Variants in CCDC61 observed in about 807,000 individuals in gnomAD.
The protein encoded by CCDC61 is coiled-coil domain containing 61.
In CCDC61, 55 loss-of-function variants were observed where a neutral mutation model predicts 63.0. That is an observed-to-expected ratio of 0.87 (90% CI 0.70 to 1.09). CCDC61 has a LOEUF of 1.09. CCDC61 is among the 50% of genes least tolerant of loss of function. The probability of loss-of-function intolerance (pLI) is 0.00; values close to 1 mark genes in which losing one functional copy is unlikely to be tolerated. For synonymous variants in CCDC61, 270 were observed against 317.0 expected (o/e 0.85, Z 1.58); for missense variants, 651 against 731.4 (o/e 0.89, Z 1.27).
rs1968921222 is a variant in CCDC61, at chr19:46,015,867, T to G, written c.846-187T>G. Among the ~76,000 whole-genome samples the G allele has an allele frequency of 1.4e-5, 2 of 143,904 alleles. No individual in the cohort carries two copies. The highest frequency in any genetic ancestry group is 2.3e-4 in the South Asian group (1 of 4,440). The allele number at this position is 143,904 out of a possible 152,430, so 94.4% of individuals were successfully genotyped here. A position where few individuals can be genotyped will look rare whatever the true frequency, so the allele number is the denominator to read the frequency against. On this transcript the variant is annotated intron_variant, in intron 7 of 13. Transcript: ENST00000595358. This position sits in a 1 kb window ranked among gnomAD's most constrained non-coding sequence, Gnocchi z 5.3. ...AGGATGTAGGGGAATGACAGAGGGGTGTTTTAGGGGTCCAATTGGGTGAGG... is the reference window on the plus strand; with the variant it reads ...AGGATGTAGGGGAATGACAGAGGGGGGTTTTAGGGGTCCAATTGGGTGAGG...
rs867010607 is a variant in CCDC61, at chr19:46,015,530, T to G, written c.845+103T>G. 0.012 allele frequency: 125 copies of G among 10,126 alleles called. No homozygotes were observed. The highest frequency in any genetic ancestry group is 0.02 in the South Asian group (9 of 454). 0.6% of individuals were successfully genotyped at this position (10,126 alleles called of 1,614,324 possible). On this transcript the variant is annotated intron_variant, in intron 7 of 13. Coordinates refer to ENST00000595358, the MANE Select transcript of CCDC61 (RefSeq NM_001267723.2). The surrounding 1 kb of genome is among the most constrained non-coding windows in gnomAD (Gnocchi z 5.3). ...GGGGGCGGGGCGGGGCCAGGTAGGG[T>G]GGAGGGGGCGGGGCTGAAGGGGAGG... is the stretch of plus-strand genomic sequence containing the variant.
rs543693542 is a variant in CCDC61, at chr19:46,015,536, G to A, written c.845+109G>A. ...GGGGCGGGGCCAGGTAGGGTGGAGG[G>A]GGCGGGGCTGAAGGGGAGGCGGGGC... On this transcript the variant is annotated intron_variant, in intron 7 of 13. Transcript: ENST00000595358. The surrounding 1 kb of genome is among the most constrained non-coding windows in gnomAD (Gnocchi z 5.3). The A allele has an allele frequency of 4.1e-6, 3 of 740,546 alleles. No homozygotes were observed. In the South Asian group the frequency reaches 6.0e-5, roughly 15 times the overall value. 45.9% of individuals were successfully genotyped at this position (740,546 alleles called of 1,614,324 possible).
In CCDC61 at chr19:46,007,601, G is replaced by A. The variant is rs182098232; in HGVS notation, c.390-539G>A. On this transcript the variant is annotated intron_variant, in intron 4 of 13. Coordinates refer to ENST00000595358, the MANE Select transcript of CCDC61 (RefSeq NM_001267723.2). Reference sequence around the variant, plus strand: ...ATATCTGGCTTTCTAGCCTTTATAGGGGGAGGGTAGCAAGAGAGTTGGGAA... The same window carrying A: ...ATATCTGGCTTTCTAGCCTTTATAGAGGGAGGGTAGCAAGAGAGTTGGGAA... Among the ~76,000 whole-genome samples the A allele has an allele frequency of 9.4e-4, 143 of 152,318 alleles. 1 individual carries two copies. Among genetic ancestry groups the A allele is most frequent in the African/African-American group, 3.3e-3 (137 of 41,564 alleles).
chr19:46,008,864 G>C (rs1968769687), intron 5 of CCDC61, among the ~76,000 whole-genome samples: 1 of 152,166 alleles, frequency 6.6e-6, no homozygotes, highest in African/African-American at 2.4e-5. Flanking sequence ...ACCTGACCCT[G>C]CCTGGTACGG....
chr19:46,017,382 C>A, intron 12 of CCDC61, 78 bp downstream of exon 12: 1 of 1,352,096 alleles, frequency 7.4e-7, no homozygotes, highest in Non-Finnish European at 1.0e-6. Context: ...GGATCAGGTG[C>A]AGAGGCGACT....
At chr19:45,998,461 CT>C (rs1336290393) in intron 1 of CCDC61, among the ~76,000 whole-genome samples, 7 of 152,194 alleles carry the variant, frequency 4.6e-5, no homozygotes, top group African/African-American at 1.7e-4. Context: ...ATTGAGACAG[CT>C]CCTGACCCAG....
intron 5 of CCDC61, among the ~76,000 whole-genome samples, chr19:46,009,423 C>T (rs549947875): frequency 8.8e-4 from 134 of 152,302 alleles, no homozygotes; most frequent in South Asian, 2.7e-3. Flanking sequence ...TATGCCAGGG[C>T]TGCTCTGTGC....
intron 3 of CCDC61, among the ~76,000 whole-genome samples, chr19:46,006,213 G>C (rs765934408): frequency 6.6e-6 from 1 of 152,170 alleles, no homozygotes; most frequent in Admixed American, 6.5e-5. Flanking sequence ...TGTCAACACA[G>C]TGAAAAAGAC....
chr19:46,005,053 C>T (rs1234483064), intron 3 of CCDC61, among the ~76,000 whole-genome samples: 2 of 151,762 alleles, frequency 1.3e-5, no homozygotes, highest in East Asian at 1.9e-4. Flanking sequence ...CTGTGTAGCC[C>T]AGGCTGGAGT....
Position 46,016,453 on chromosome 19 carries a change from CT to C in CCDC61, c.1091+61del, listed in dbSNP as rs1968938753. On this transcript the variant is annotated intron_variant, in intron 9 of 13. Coordinates refer to ENST00000595358, the MANE Select transcript of CCDC61 (RefSeq NM_001267723.2). This position sits in a 1 kb window ranked among gnomAD's most constrained non-coding sequence, Gnocchi z 7.2. ...CCTGGCCCGTGCCCGCTCCCGGGCTCTCATCTCTCCACGCCACCATCAGTCT... is the reference window on the plus strand; with the variant it reads ...CCTGGCCCGTGCCCGCTCCCGGGCTCCATCTCTCCACGCCACCATCAGTCT... The C allele has an allele frequency of 8.3e-6, 13 of 1,575,220 alleles. No individual in the cohort carries two copies. The highest frequency in any genetic ancestry group is 2.7e-5 in the African/African-American group (2 of 74,438).
chr19:46,006,231 G>A lies in CCDC61; in HGVS notation c.232-328G>A, dbSNP rs144668276. ...CAACACAGTGAAAAAGACAAATGAC[G>A]TCTTTGTATTATTATGAAAGTAGCT... On this transcript the variant is annotated intron_variant, in intron 3 of 13. Transcript: ENST00000595358. Among the ~76,000 whole-genome samples the A allele has an allele frequency of 5.4e-4, 82 of 152,274 alleles. 1 individual carries two copies. The highest frequency in any genetic ancestry group is 3.1e-3 in the South Asian group (15 of 4,828).
In CCDC61 at chr19:46,015,181, G is replaced by A; in HGVS notation, c.684G>A (p.Leu228=). 1 of 1,278,026 alleles carries A rather than the reference G, an allele frequency of 7.8e-7. No homozygotes were observed. The highest frequency in any genetic ancestry group is 9.8e-7 in the Non-Finnish European group (1 of 1,017,050). The allele number at this position is 1,278,026 out of a possible 1,614,324, so 79.2% of individuals were successfully genotyped here. The change falls in exon 6 of 14, where the codon CTG becomes CTA. Residue 228 remains leucine, a synonymous_variant. Transcript: ENST00000595358. The surrounding 1 kb of genome is among the most constrained non-coding windows in gnomAD (Gnocchi z 5.3). ...GCGGGCTGGTGCGCGGGCTGGAGCTGGAGCTGCGGCAGGAGCGCGGCCTCG... is the reference window on the plus strand; with the variant it reads ...GCGGGCTGGTGCGCGGGCTGGAGCTAGAGCTGCGGCAGGAGCGCGGCCTCG... ...ALRGLVRGLE[L]ELRQERGLGH...
At chr19:46,013,573 T>G (rs1654956362) in intron 5 of CCDC61, among the ~76,000 whole-genome samples, 1 of 152,058 alleles carries the variant, frequency 6.6e-6, no homozygotes, top group Non-Finnish European at 1.5e-5. Flanking sequence ...TTGAATGAAG[T>G]TTAACATTTC....
rs768128750 is a variant in CCDC61 at position 46,015,400 on chromosome 19, C to T, written c.818C>T (p.Thr273Ile). The change falls in exon 7 of 14, where the codon ACC becomes ATC. Residue 273 changes from threonine (T) to isoleucine (I), a missense_variant. Transcript: ENST00000595358. The surrounding 1 kb of genome is among the most constrained non-coding windows in gnomAD (Gnocchi z 5.3). ...CTGCGCGCCCGGCTGAAGACGCTGA[C>T]CAGCGAGCTGGCATTGTACAAGAGG... is the stretch of plus-strand genomic sequence containing the variant. Reference protein sequence around the residue: ...RSLRARLKTLTSELALYKRGR... With the variant: ...RSLRARLKTLISELALYKRGR... 6.2e-7 allele frequency: 1 copy of T among 1,602,544 alleles called. No individual in the cohort carries two copies. The highest frequency in any genetic ancestry group is 2.2e-5 in the East Asian group (1 of 44,762).
Position 46,016,478 on chromosome 19 carries a change from C to G in CCDC61, c.1091+85C>G, listed in dbSNP as rs1968939183. On this transcript the variant is annotated intron_variant, in intron 9 of 13. Transcript: ENST00000595358. The surrounding 1 kb of genome is among the most constrained non-coding windows in gnomAD (Gnocchi z 7.2). ...CTCATCTCTCCACGCCACCATCAGT[C>G]TCCATCCCCTGCCACCTGCTCGCTT... is the stretch of plus-strand genomic sequence containing the variant. 6.0e-6 allele frequency: 9 copies of G among 1,505,652 alleles called. No individual in the cohort carries two copies. Among genetic ancestry groups the G allele is most frequent in the Non-Finnish European group, 8.2e-6 (9 of 1,093,432 alleles). 93.3% of individuals were successfully genotyped at this position (1,505,652 alleles called of 1,614,324 possible).
chr19:46,003,705 CA>C (rs555068944), intron 3 of CCDC61, among the ~76,000 whole-genome samples: 5 of 152,046 alleles, frequency 3.3e-5, no homozygotes, highest in Non-Finnish European at 7.4e-5. Context: ...ATTTAGGTCA[CA>C]GAGAAATATA....
At position 45,999,291 on chromosome 19, in the gene CCDC61, G is replaced by A. The variant is rs982129652; in HGVS notation, c.-11-3717G>A. Among the ~76,000 whole-genome samples, 6 of 151,880 alleles carry A rather than the reference G, an allele frequency of 4.0e-5. No homozygotes were observed. The East Asian group carries it at 1.2e-3, about 29-fold the overall frequency. On this transcript the variant is annotated intron_variant, in intron 1 of 13. Transcript: ENST00000595358. ...TGTCTCTACAGTCTATGGGGACAATGTGGAAGGCTTTGGTCTGTATTCTGG... is the reference window on the plus strand; with the variant it reads ...TGTCTCTACAGTCTATGGGGACAATATGGAAGGCTTTGGTCTGTATTCTGG...
chr19:46,012,599 A>T (rs1348866431), intron 5 of CCDC61, among the ~76,000 whole-genome samples: 2 of 151,982 alleles, frequency 1.3e-5, no homozygotes, highest in African/African-American at 4.8e-5. Flanking sequence ...GTGAGCCGAG[A>T]TCACGCCACT....
At chr19:46,001,409 T>G (rs534010800) in intron 1 of CCDC61, among the ~76,000 whole-genome samples, 32 of 152,086 alleles carry the variant, frequency 2.1e-4, no homozygotes, top group Non-Finnish European at 4.0e-4. Context: ...GTATTTTTAG[T>G]AGAGACGAGG....
Sources: gnomAD v4.1 joint callset for allele counts (sites outside exome capture counted in the v4.1 genomes callset) on GRCh38, gnomAD v4.1.1 for gene constraint, Gnocchi (gnomAD v3.1) non-coding constraint, MANE v1.5 for transcripts, NCBI Gene and HGNC (gene_info 2026-07-23, HGNC 2026-07-21) for gene names.